RANBP2: variants seen among roughly 807,000 people sequenced by gnomAD.
The protein encoded by RANBP2 is E3 SUMO-protein ligase RanBP2.
RANBP2 carries 57 observed loss-of-function variants against 303.6 expected under a neutral mutation model. The ratio of observed to expected loss-of-function variants is 0.19; its 90% CI spans 0.15 to 0.23. RANBP2 has a LOEUF of 0.23. Among genes scored for constraint, RANBP2 ranks in the 10% least tolerant of loss-of-function variants. RANBP2 has a pLI of 1.00. For missense variants in RANBP2, 3,138 were observed against 3,780.8 expected, an observed-to-expected ratio of 0.83 and a Z score of 4.46; for synonymous variants, 1,167 against 1,301.5, an observed-to-expected ratio of 0.90 and a Z score of 2.23.
At chr2:109,251,935 C>G in the RANBP2 span, among the ~76,000 whole-genome samples, 2 of 151,998 alleles carry the variant, frequency 1.3e-5, no homozygotes, top group Admixed American at 1.3e-4. Flanking sequence ...CAAAAGTACC[C>G]CCCAAATAAA....
At chr2:108,745,901 C>CTTT (rs71381988) in intron 7 of RANBP2, among the ~76,000 whole-genome samples, 11 of 140,664 alleles carry the variant, frequency 7.8e-5, no homozygotes, top group African/African-American at 1.9e-4. Context: ...TCTGTGTATG[C>CTTT]TTTTTTTTTT....
intron 17 of RANBP2, among the ~76,000 whole-genome samples, chr2:108,756,157 A>T (rs992782428): frequency 3.9e-5 from 6 of 152,194 alleles, no homozygotes; most frequent in Non-Finnish European, 7.3e-5. Flanking sequence ...TGAGTGATTG[A>T]ACTGCTACCA....
the RANBP2 span, among the ~76,000 whole-genome samples, chr2:109,723,385 A>G: frequency 6.6e-6 from 1 of 152,130 alleles, no homozygotes; most frequent in East Asian, 1.9e-4. Flanking sequence ...CCTGACCTCA[A>G]GTGATCCACC....
the RANBP2 span, chr2:109,574,443 TAAAAA>T: frequency 1.7e-3 from 474 of 271,022 alleles, no homozygotes; most frequent in Middle Eastern, 4.4e-3. Context: ...ACTTTATCTC[TAAAAA>T]AAAAAAAAAA....
the RANBP2 span, among the ~76,000 whole-genome samples, chr2:109,693,267 G>A: frequency 6.6e-6 from 1 of 152,054 alleles, no homozygotes; most frequent in Non-Finnish European, 1.5e-5. Context: ...AACCTCCTGG[G>A]TTCAAGTGAT....
the RANBP2 span, chr2:109,449,311 C>A: frequency 7.5e-6 from 12 of 1,607,442 alleles, no homozygotes; most frequent in East Asian, 8.9e-5. Context: ...CACCAGCCCC[C>A]GGTGCAGATG....
the RANBP2 span, among the ~76,000 whole-genome samples, chr2:109,440,392 A>AAGCAG: frequency 3.3e-5 from 5 of 152,226 alleles, no homozygotes; most frequent in African/African-American, 1.2e-4. Context: ...CCGAAAAGCT[A>AAGCAG]AGCAGAGCAG....
the RANBP2 span, chr2:108,798,684 T>C: frequency 1.2e-6 from 1 of 835,248 alleles, no homozygotes; most frequent in South Asian, 1.8e-5. Flanking sequence ...TATTTCTCCT[T>C]CCCTTCCTCC....
At chr2:109,668,745 A>G in the RANBP2 span, among the ~76,000 whole-genome samples, 7 of 152,258 alleles carry the variant, frequency 4.6e-5, no homozygotes, top group Non-Finnish European at 8.8e-5. Context: ...ATTACAAACA[A>G]TATTGAAAAT....
chr2:109,729,563 T>C, the RANBP2 span, among the ~76,000 whole-genome samples: 2 of 151,876 alleles, frequency 1.3e-5, no homozygotes, highest in African/African-American at 2.4e-5. Flanking sequence ...GGCAGAAAAA[T>C]CGCTTGAACC....
chr2:109,230,841 C>T, the RANBP2 span, among the ~76,000 whole-genome samples: 1 of 152,226 alleles, frequency 6.6e-6, no homozygotes, highest in African/African-American at 2.4e-5. Flanking sequence ...CACTTCATTT[C>T]TAAATCCCCT....
chr2:109,483,557 C>T, the RANBP2 span, among the ~76,000 whole-genome samples: 1 of 152,236 alleles, frequency 6.6e-6, no homozygotes, highest in African/African-American at 2.4e-5. Context: ...TTTTAAAACT[C>T]ATGTTGCTTC....
chr2:109,469,827 C>A, the RANBP2 span, among the ~76,000 whole-genome samples: 1 of 152,176 alleles, frequency 6.6e-6, no homozygotes, highest in African/African-American at 2.4e-5. Flanking sequence ...CGAATTTTTC[C>A]AGCCGTTGGT....
chr2:109,627,295 C>T, the RANBP2 span, among the ~76,000 whole-genome samples: 1 of 152,210 alleles, frequency 6.6e-6, no homozygotes, highest in Non-Finnish European at 1.5e-5. Flanking sequence ...CTCCCGGGTT[C>T]AAGCGATTCT....
the RANBP2 span, among the ~76,000 whole-genome samples, chr2:109,426,175 CT>C: frequency 6.6e-6 from 1 of 152,210 alleles, no homozygotes; most frequent in Non-Finnish European, 1.5e-5. Context: ...TCCCAAAGCG[CT>C]GGGATTACAA....
the RANBP2 span, among the ~76,000 whole-genome samples, chr2:109,587,159 G>A: frequency 2.6e-5 from 4 of 152,198 alleles, no homozygotes; most frequent in South Asian, 2.1e-4. Context: ...GTGGCATGAC[G>A]GGGAATTACA....
chr2:109,047,244 C>G, the RANBP2 span, among the ~76,000 whole-genome samples: 1 of 152,196 alleles, frequency 6.6e-6, no homozygotes, highest in African/African-American at 2.4e-5. Context: ...TGGCAGAGGT[C>G]CTAGTCCCCC....
At chr2:109,036,386 A>G in the RANBP2 span, among the ~76,000 whole-genome samples, 9 of 152,250 alleles carry the variant, frequency 5.9e-5, no homozygotes, top group Non-Finnish European at 1.3e-4. Flanking sequence ...TGCAGTACAG[A>G]AAAGAAAGTT....
At chr2:109,234,808 C>G in the RANBP2 span, among the ~76,000 whole-genome samples, 3 of 152,158 alleles carry the variant, frequency 2.0e-5, no homozygotes, top group Non-Finnish European at 4.4e-5. Context: ...TGGGGAAATT[C>G]AACCATGATA....
Sources: gnomAD v4.1 joint callset for allele counts (sites outside exome capture counted in the v4.1 genomes callset) on GRCh38, gnomAD v4.1.1 for gene constraint, MANE v1.5 for transcripts, NCBI Gene and HGNC (gene_info 2026-07-23, HGNC 2026-07-21) for gene names.